The following CKAP5 variants were observed in gnomAD, a reference collection of about 807,000 sequenced individuals.
The protein encoded by CKAP5 is cytoskeleton associated protein 5.
A neutral mutation model predicts 232.8 loss-of-function variants in CKAP5; 27 were observed. The observed-to-expected ratio is 0.12, with a 90% CI of 0.09 to 0.16. CKAP5 has a LOEUF of 0.16. Ranked by LOEUF, CKAP5 falls within the 10% of genes least tolerant of loss-of-function variation. The pLI, the probability that CKAP5 is intolerant of heterozygous loss-of-function variation, is 1.00. For synonymous variants in CKAP5, 785 were observed against 841.1 expected (o/e 0.93, Z 1.16); for missense variants, 1,838 against 2,424.7 (o/e 0.76, Z 5.08).
At chr11:46,799,025 G>A (rs982803537) in intron 9 of CKAP5, among the ~76,000 whole-genome samples, 3 of 152,086 alleles carry the variant, frequency 2.0e-5, no homozygotes, top group Admixed American at 1.3e-4. Context: ...CCTATTTGCC[G>A]CCTCTGCTCT....
At chr11:46,795,405 A>C (rs890616729) in intron 13 of CKAP5, among the ~76,000 whole-genome samples, 189 bp downstream of exon 13, 1 of 151,788 alleles carries the variant, frequency 6.6e-6, no homozygotes, top group Non-Finnish European at 1.5e-5. Flanking sequence ...CACCATTTTT[A>C]TCTCTATTAA....
In CKAP5 at chr11:46,762,621, C is replaced by T. The variant is rs1175425122; in HGVS notation, c.4027+6G>A. The T allele has an allele frequency of 3.1e-6, 5 of 1,613,862 alleles. No homozygotes were observed. The highest frequency in any genetic ancestry group is 4.2e-6 in the Non-Finnish European group (5 of 1,179,920). On this transcript the variant is annotated splice_donor_region_variant and intron_variant, in intron 31 of 43. Transcript: ENST00000529230. ...TTCACATCTCAGTTTAAACTGTTTG[C>T]TTCACCTGCTCTCTGCTTAGAGTTT...
rs1328084561 is a variant in CKAP5, at chr11:46,752,664, A to G, written c.5104T>C (p.Ser1702Pro). The part of the protein sequence containing the change: ...LQDSLLATAS[S>P]PKFSELVMKC... Reference sequence around the variant, plus strand: ...ATAACAAGCTCTGAGAATTTGGGAGAACTGGCTGTTGCTAGCAGGCTGTCT... The same window carrying G: ...ATAACAAGCTCTGAGAATTTGGGAGGACTGGCTGTTGCTAGCAGGCTGTCT... Residue 1702 changes from serine to proline, a missense_variant, in exon 38 of 44, where the codon TCT becomes CCT. Transcript: ENST00000529230. The G allele has an allele frequency of 6.2e-7, 1 of 1,613,388 alleles. No homozygotes were observed. Among genetic ancestry groups the G allele is most frequent in the Non-Finnish European group, 8.5e-7 (1 of 1,179,542 alleles).
chr11:46,836,596 G>A (rs1464304197), intron 1 of CKAP5, among the ~76,000 whole-genome samples: 1 of 152,068 alleles, frequency 6.6e-6, no homozygotes, highest in East Asian at 1.9e-4. Context: ...CCTACCAGAA[G>A]GGCTAAAATC....
At chr11:46,764,047 A>C (rs1285569304) in intron 28 of CKAP5, among the ~76,000 whole-genome samples, 1 of 152,178 alleles carries the variant, frequency 6.6e-6, no homozygotes, top group Non-Finnish European at 1.5e-5. Flanking sequence ...TATGTTGTCC[A>C]GGCTGGTTTT....
At chr11:46,775,891 G>A (rs1232835007) in intron 24 of CKAP5, among the ~76,000 whole-genome samples, 2 of 152,094 alleles carry the variant, frequency 1.3e-5, no homozygotes, top group African/African-American at 2.4e-5. Context: ...GTTGATGGAT[G>A]CAGCAAACCA....
At position 46,816,321 on chromosome 11, in the gene CKAP5, A is replaced by C. The variant is rs939909268; in HGVS notation, c.335T>G (p.Ile112Ser). The change falls in exon 4 of 44, where the codon ATC (isoleucine) becomes AGC (serine). Residue 112 changes from isoleucine (I) to serine (S), a missense_variant. Ile to Ser is a moderately radical substitution (Grantham distance 142). This residue lies in a region of CKAP5 where 285 missense variants were observed against 300.0 expected (regional missense o/e 0.95). Coordinates refer to ENST00000529230, the MANE Select transcript of CKAP5 (RefSeq NM_001008938.4). ...KAKAKELGIE[I>S]CLMYIEIEKG... is the part of the protein sequence containing the mutation. ...CTCAATCTCTATGTACATAAGACAG[A>C]TCTCTATGCCCAGCTCCTTGGCTTT... The C allele has an allele frequency of 6.2e-7, 1 of 1,613,968 alleles. No individual in the cohort carries two copies. The highest frequency in any genetic ancestry group is 1.3e-5 in the African/African-American group (1 of 74,916).
intron 1 of CKAP5, among the ~76,000 whole-genome samples, chr11:46,843,728 G>GAAA (rs11362980): frequency 1.9e-5 from 2 of 107,558 alleles, no homozygotes; most frequent in African/African-American, 7.2e-5. Flanking sequence ...AGATCTGATT[G>GAAA]AAAAAAAAAA....
chr11:46,845,199 G>A (rs903687254), intron 1 of CKAP5, among the ~76,000 whole-genome samples: 3 of 152,178 alleles, frequency 2.0e-5, no homozygotes. Context: ...ATGGAGGAAG[G>A]AGGAGCTCAC....
At position 46,759,343 on chromosome 11, in the gene CKAP5, G is replaced by T; in HGVS notation, c.4494C>A (p.Val1498=). 6.2e-7 allele frequency: 1 copy of T among 1,614,070 alleles called. No homozygotes were observed. Among genetic ancestry groups the T allele is most frequent in the South Asian group, 1.1e-5 (1 of 91,072 alleles). Residue 1498 remains valine (V), a synonymous_variant, in exon 34 of 44, where the codon GTC becomes GTA. Transcript: ENST00000529230. Reference sequence around the variant, plus strand: ...GAACAAGTTCTGGCATTTCACATCGGACTGTACCATTGTCATTCTCAATCT... The same window carrying T: ...GAACAAGTTCTGGCATTTCACATCGTACTGTACCATTGTCATTCTCAATCT... ...LDEIENDNGT[V]RCEMPELVQH...
chr11:46,752,353 G>T (rs1053640962), intron 38 of CKAP5, among the ~76,000 whole-genome samples: 2 of 150,456 alleles, frequency 1.3e-5, no homozygotes, highest in Admixed American at 1.3e-4. Flanking sequence ...GGGTCTCACT[G>T]TTGCCAAGGC....
chr11:46,792,556 A>AAC (rs1373585367), intron 13 of CKAP5, among the ~76,000 whole-genome samples: 1 of 151,890 alleles, frequency 6.6e-6, no homozygotes, highest in Admixed American at 6.6e-5. Context: ...CTGTCTCAAA[A>AAC]AAAAACAAAA....
chr11:46,797,731 A>T, intron 11 of CKAP5, 74 bp downstream of exon 11: 1 of 1,410,920 alleles, frequency 7.1e-7, no homozygotes, highest in Non-Finnish European at 9.7e-7. Context: ...TCAAGTAGTC[A>T]CTGTACATAA....
chr11:46,818,871 G>GT (rs1476470020), intron 2 of CKAP5, among the ~76,000 whole-genome samples: 1 of 152,034 alleles, frequency 6.6e-6, no homozygotes, highest in African/African-American at 2.4e-5. Context: ...AGTATATGCT[G>GT]TTTTTTGGTT....
chr11:46,744,113 G>T lies in CKAP5; in HGVS notation c.6009C>A (p.His2003Gln). The T allele has an allele frequency of 6.2e-7, 1 of 1,614,156 alleles. No individual in the cohort carries two copies. Residue 2003 changes from histidine to glutamine, a missense_variant, in exon 44 of 44, where the codon CAC becomes CAA. This residue lies in a region of CKAP5 where 62 missense variants were observed against 61.1 expected (regional missense o/e 1.01). Coordinates refer to ENST00000529230, the MANE Select transcript of CKAP5 (RefSeq NM_001008938.4). Reference protein sequence around the residue: ...QHSDLDSNQTHSSGTVTSSSS... With the variant: ...QHSDLDSNQTQSSGTVTSSSS... ...AGGAGGAGGTCACAGTTCCTGAAGAGTGAGTCTGGTTAGAATCCAGGTCTG... is the reference window on the plus strand; with the variant it reads ...AGGAGGAGGTCACAGTTCCTGAAGATTGAGTCTGGTTAGAATCCAGGTCTG...
chr11:46,817,062 C>T lies in CKAP5; in HGVS notation c.252-658G>A, dbSNP rs550819886. Among the ~76,000 whole-genome samples, 7 of 150,442 alleles carry T rather than the reference C, an allele frequency of 4.7e-5. No homozygotes were observed. The South Asian group carries it at 1.3e-3, about 27-fold the overall frequency. On this transcript the variant is annotated intron_variant, in intron 3 of 43. Transcript: ENST00000529230. ...TGGAGGTTGTGGTGAGCCAAGATCG[C>T]GCCATTGCACTCCAGCCAGGGCAAC...
At chr11:46,748,920 C>T (rs1032715296) in intron 42 of CKAP5, among the ~76,000 whole-genome samples, 2 of 151,606 alleles carry the variant, frequency 1.3e-5, no homozygotes, top group Admixed American at 6.6e-5. Flanking sequence ...CAACCTCCGC[C>T]TCCTGGGTTC....
intron 4 of CKAP5, among the ~76,000 whole-genome samples, chr11:46,812,648 C>G (rs4752938): frequency 1 from 152,119 of 152,218 alleles, 76,010 homozygotes; most frequent in Middle Eastern, 1. Flanking sequence ...TTTGTTTTTA[C>G]TTTTTTGGAG....
At chr11:46,835,728 T>C (rs11039002) in intron 1 of CKAP5, among the ~76,000 whole-genome samples, 21,470 of 152,118 alleles carry the variant, frequency 0.14, 2,506 homozygotes, top group East Asian at 0.6. Flanking sequence ...ATTCCGAATA[T>C]ATGTAGATAC....
Sources: allele counts gnomAD v4.1 joint callset (sites outside exome capture counted in the v4.1 genomes callset), GRCh38; gene constraint gnomAD v4.1.1; regional missense constraint gnomAD v4.1.1; transcripts MANE v1.5; gene names NCBI Gene and HGNC (gene_info 2026-07-23, HGNC 2026-07-21).